The following CNTNAP2 variants were observed in gnomAD, a reference collection of about 807,000 sequenced individuals.
CNTNAP2 encodes the protein contactin-associated protein-like 2.
Under a neutral mutation model 155.2 loss-of-function variants are expected in CNTNAP2, and 98 were observed. The ratio of observed to expected loss-of-function variants is 0.63; its 90% CI spans 0.54 to 0.75. The LOEUF (loss-of-function observed/expected upper bound fraction) is 0.75, where lower values mean the gene tolerates loss of function less well. Among genes scored for constraint, CNTNAP2 ranks in the 30% least tolerant of loss-of-function variants. The probability of loss-of-function intolerance (pLI) is 0.00; values close to 1 mark genes in which losing one functional copy is unlikely to be tolerated. For missense variants in CNTNAP2, 1,727 were observed against 1,688.1 expected (o/e 1.02, Z -0.40); for synonymous variants, 651 against 631.2 (o/e 1.03, Z -0.47).
intron 10 of CNTNAP2, among the ~76,000 whole-genome samples, chr7:147,462,677 C>T (rs958464508): frequency 3.3e-5 from 5 of 152,162 alleles, no homozygotes; most frequent in African/African-American, 1.2e-4. Flanking sequence ...GACCTTTAAA[C>T]GAGAATACAT....
At chr7:147,927,293 G>A (rs762671607) in intron 14 of CNTNAP2, among the ~76,000 whole-genome samples, 4 of 152,066 alleles carry the variant, frequency 2.6e-5, no homozygotes, top group Non-Finnish European at 5.9e-5. Context: ...GATGACAGTC[G>A]CCACTTATGC....
intron 15 of CNTNAP2, among the ~76,000 whole-genome samples, chr7:148,025,019 C>T (rs989644620): frequency 6.6e-6 from 1 of 152,198 alleles, no homozygotes; most frequent in Non-Finnish European, 1.5e-5. Flanking sequence ...TGATACATCC[C>T]TTCCTGAAAC....
At chr7:147,313,270 G>T (rs1184725078) in intron 9 of CNTNAP2, among the ~76,000 whole-genome samples, 1 of 151,992 alleles carries the variant, frequency 6.6e-6, no homozygotes. Context: ...AGTTTAATTA[G>T]ATCCCATTTA....
chr7:147,140,595 AT>A (rs984303583), intron 8 of CNTNAP2, among the ~76,000 whole-genome samples: 1 of 152,036 alleles, frequency 6.6e-6, no homozygotes, highest in African/African-American at 2.4e-5. Context: ...ATTCTTTGTC[AT>A]CAAATTCCTA....
intron 13 of CNTNAP2, among the ~76,000 whole-genome samples, chr7:147,813,345 A>G (rs978391885): frequency 7.9e-5 from 12 of 152,208 alleles, no homozygotes; most frequent in Admixed American, 2.0e-4. Context: ...TATGCCTAGA[A>G]TCTCAGAGAA....
chr7:146,644,471 A>T (rs1399668747), intron 1 of CNTNAP2, among the ~76,000 whole-genome samples: 1 of 152,122 alleles, frequency 6.6e-6, no homozygotes, highest in Non-Finnish European at 1.5e-5. Context: ...TGATTTGCGT[A>T]TGTTGAACCA....
intron 15 of CNTNAP2, among the ~76,000 whole-genome samples, chr7:148,034,493 C>T (rs1320283138): frequency 6.6e-6 from 1 of 152,170 alleles, no homozygotes; most frequent in Non-Finnish European, 1.5e-5. Context: ...TTGACCCCCT[C>T]TTGCCTTCTG....
chr7:148,115,539 A>T (rs959025851), intron 15 of CNTNAP2, among the ~76,000 whole-genome samples: 1 of 152,136 alleles, frequency 6.6e-6, no homozygotes, highest in Non-Finnish European at 1.5e-5. Flanking sequence ...GATGAGCTGA[A>T]TCCTTCTGGC....
At chr7:148,410,078 A>AAAG (rs147365834) in intron 23 of CNTNAP2, among the ~76,000 whole-genome samples, 10,203 of 102,506 alleles carry the variant, frequency 0.1, 722 homozygotes, top group Non-Finnish European at 0.16. Flanking sequence ...AGAAAGAAAG[A>AAAG]AAGAATATAG....
intron 1 of CNTNAP2, among the ~76,000 whole-genome samples, chr7:146,235,679 G>T (rs1386571892): frequency 6.6e-6 from 1 of 151,926 alleles, no homozygotes; most frequent in Admixed American, 6.6e-5. Context: ...GTGTTTTCAG[G>T]TGCACAGGCC....
At chr7:147,559,789 G>A (rs1800023578) in intron 11 of CNTNAP2, among the ~76,000 whole-genome samples, 1 of 151,300 alleles carries the variant, frequency 6.6e-6, no homozygotes, top group South Asian at 2.1e-4. Context: ...TTCAAAGATT[G>A]TGAGTTTAGT....
At chr7:146,177,733 A>G (rs1798490374) in intron 1 of CNTNAP2, among the ~76,000 whole-genome samples, 1 of 152,220 alleles carries the variant, frequency 6.6e-6, no homozygotes, top group South Asian at 2.1e-4. Context: ...AAGAATATGT[A>G]TTTATATGTA....
At chr7:147,925,551 C>T (rs1176730339) in intron 14 of CNTNAP2, among the ~76,000 whole-genome samples, 1 of 152,104 alleles carries the variant, frequency 6.6e-6, no homozygotes. Context: ...ACTGCAAGCT[C>T]TGCCTCCCAG....
intron 13 of CNTNAP2, among the ~76,000 whole-genome samples, chr7:147,717,295 T>G (rs993909295): frequency 6.6e-6 from 1 of 152,128 alleles, no homozygotes; most frequent in East Asian, 1.9e-4. Flanking sequence ...AGGCACACAC[T>G]AATTCCCGAG....
At chr7:147,202,863 T>C (rs995289276) in intron 8 of CNTNAP2, among the ~76,000 whole-genome samples, 1 of 150,524 alleles carries the variant, frequency 6.6e-6, no homozygotes, top group East Asian at 1.9e-4. Context: ...AAAAAAAATA[T>C]ATATATATAT....
At chr7:147,633,698 A>G (rs2116914399) in intron 12 of CNTNAP2, among the ~76,000 whole-genome samples, 1 of 152,210 alleles carries the variant, frequency 6.6e-6, no homozygotes, top group African/African-American at 2.4e-5. Flanking sequence ...TAGTTCTCAT[A>G]AGGTCTGATG....
intron 1 of CNTNAP2, among the ~76,000 whole-genome samples, chr7:146,677,634 G>A (rs1002137985): frequency 6.6e-6 from 1 of 151,720 alleles, no homozygotes; most frequent in Non-Finnish European, 1.5e-5. Flanking sequence ...CTGTTGTTCC[G>A]AGGAGTGCCC....
In CNTNAP2 at chr7:146,727,909, AT is replaced by A. The variant is rs774781080; in HGVS notation, c.98-46358del. ...TCCATTGAAGTACTACTCATGGGAG[AT>A]TTTATTTAGGCCACCTAGCATTTTG... On this transcript the variant is annotated intron_variant, in intron 1 of 23. Transcript: ENST00000361727. Among the ~76,000 whole-genome samples, 128 of 152,162 alleles carry A rather than the reference AT, an allele frequency of 8.4e-4. 1 individual carries two copies. Among genetic ancestry groups the A allele is most frequent in the Non-Finnish European group, 2.9e-4 (20 of 68,010 alleles).
chr7:147,679,605 C>T (rs1168192539), intron 13 of CNTNAP2, among the ~76,000 whole-genome samples: 3 of 151,760 alleles, frequency 2.0e-5, no homozygotes, highest in South Asian at 4.1e-4. Flanking sequence ...TGGTTTTTGG[C>T]TCCTGATTTT....
Sources: allele counts gnomAD v4.1 joint callset (sites outside exome capture counted in the v4.1 genomes callset), GRCh38; gene constraint gnomAD v4.1.1; transcripts MANE v1.5; gene names NCBI Gene and HGNC (gene_info 2026-07-23, HGNC 2026-07-21).